Variants in ABCC4 observed in about 807,000 individuals in gnomAD.
ABCC4 encodes the protein ATP-binding cassette sub-family C member 4.
A neutral mutation model predicts 168.5 loss-of-function variants in ABCC4; 102 were observed. The ratio of observed to expected loss-of-function variants is 0.61; its 90% CI spans 0.52 to 0.71. The LOEUF (loss-of-function observed/expected upper bound fraction) is 0.71. Ranked by LOEUF, ABCC4 falls within the 30% of genes least tolerant of loss-of-function variation. The pLI is 0.00. For missense variants in ABCC4, 1,402 were observed against 1,605.8 expected, an observed-to-expected ratio of 0.87 and a Z score of 2.17; for synonymous variants, 617 against 590.7, an observed-to-expected ratio of 1.04 and a Z score of -0.65.
chr13:95,063,029 C>T (rs915394823), intron 25 of ABCC4, among the ~76,000 whole-genome samples, 170 bp from the exon 26 acceptor site: 3 of 152,170 alleles, frequency 2.0e-5, no homozygotes, highest in Admixed American at 6.6e-5. Context: ...GAGCTGGATA[C>T]TTCTTCATTT....
At chr13:95,181,175 C>G (rs572926749) in intron 11 of ABCC4, among the ~76,000 whole-genome samples, 1 of 152,294 alleles carries the variant, frequency 6.6e-6, no homozygotes, top group Admixed American at 6.5e-5. Flanking sequence ...AGAGAAAAAC[C>G]ATGACGTGGC....
intron 26 of ABCC4, among the ~76,000 whole-genome samples, chr13:95,058,594 A>AAAAAAAAAAAAAAAG (rs2033163283): frequency 3.6e-4 from 15 of 41,412 alleles, no homozygotes; most frequent in East Asian, 8.0e-4. Context: ...AAAAAAAAAG[A>AAAAAAAAAAAAAAAG]AAAGAAAAAG....
chr13:95,033,797 G>T (rs9590165), intron 30 of ABCC4, among the ~76,000 whole-genome samples: 14,087 of 151,928 alleles, frequency 0.093, 751 homozygotes, highest in East Asian at 0.27. Context: ...GAGTAGCTGG[G>T]GTTACAGGCA....
chr13:95,243,390 T>C (rs1370824668), intron 3 of ABCC4, among the ~76,000 whole-genome samples: 1 of 152,160 alleles, frequency 6.6e-6, no homozygotes, highest in Non-Finnish European at 1.5e-5. Context: ...CTTTGATAAG[T>C]AAAAACAGGG....
At chr13:95,153,491 C>T (rs758656880) in intron 19 of ABCC4, among the ~76,000 whole-genome samples, 2 of 152,122 alleles carry the variant, frequency 1.3e-5, no homozygotes, top group Admixed American at 6.5e-5. Flanking sequence ...GAGATACAGG[C>T]ATATACAAAT....
At chr13:95,245,334 A>G (rs1029614257) in intron 3 of ABCC4, among the ~76,000 whole-genome samples, 1 of 152,164 alleles carries the variant, frequency 6.6e-6, no homozygotes, top group African/African-American at 2.4e-5. Context: ...CTAACCAGAC[A>G]CCTGGCATGA....
rs1593979527 is a variant in ABCC4, at chr13:95,034,675, C to A, written c.3800G>T (p.Ser1267Ile). Residue 1267 changes from serine to isoleucine, a missense_variant, in exon 30 of 31, where the codon AGC becomes ATC. Physicochemically the swap from Ser to Ile is moderately radical, Grantham distance 142. Transcript: ENST00000645237. ...TTGTTGCACCATCTTGTAAAATAGG[C>A]TCTCTTTATTTTGCAGCAAAACATA... Reference protein sequence around the residue: ...EPYVLLQNKESLFYKMVQQLG... With the variant: ...EPYVLLQNKEILFYKMVQQLG... 6.2e-7 allele frequency: 1 copy of A among 1,614,228 alleles called. No individual in the cohort carries two copies. The highest frequency in any genetic ancestry group is 8.5e-7 in the Non-Finnish European group (1 of 1,180,048).
At chr13:95,185,036 C>A (rs2038014106) in intron 11 of ABCC4, among the ~76,000 whole-genome samples, 1 of 152,158 alleles carries the variant, frequency 6.6e-6, no homozygotes, top group African/African-American at 2.4e-5. Flanking sequence ...GACACCAGAG[C>A]AGGACAAGCT....
At position 95,083,250 on chromosome 13, in the gene ABCC4, G is replaced by C. The variant is rs75641954; in HGVS notation, c.2576C>G (p.Ala859Gly). ...GGGTATTGCGATCCAAGGAATCACG[G>C]CCACAGCCACAGAGACCACACCAAC... is the stretch of plus-strand genomic sequence containing the variant. ...QVVGVVSVAV[A>G]VIPWIAIPLV... The change falls in exon 21 of 31, where the codon GCC becomes GGC. Residue 859 changes from alanine to glycine, a missense_variant. Physicochemically the swap from Ala to Gly is moderately conservative, Grantham distance 60 (BLOSUM62 0). Coordinates refer to ENST00000645237, the MANE Select transcript of ABCC4 (RefSeq NM_005845.5). 1 of 1,613,780 alleles carries C rather than the reference G, an allele frequency of 6.2e-7. No homozygotes were observed. Among genetic ancestry groups the C allele is most frequent in the Non-Finnish European group, 8.5e-7 (1 of 1,179,936 alleles).
chr13:95,296,736 G>C (rs577271630), intron 1 of ABCC4, among the ~76,000 whole-genome samples: 6 of 152,126 alleles, frequency 3.9e-5, no homozygotes, highest in Middle Eastern at 3.2e-3. Context: ...AGTGCCTGCC[G>C]GGCACCAGGG....
chr13:95,116,355 C>T (rs1015681415), intron 19 of ABCC4, among the ~76,000 whole-genome samples: 5 of 152,122 alleles, frequency 3.3e-5, no homozygotes, highest in African/African-American at 9.7e-5. Context: ...GGTAGATGAA[C>T]GTACAGAAAT....
At chr13:95,290,103 A>AATAGATAGGTAG (rs1555342165) in intron 1 of ABCC4, among the ~76,000 whole-genome samples, 1 of 113,700 alleles carries the variant, frequency 8.8e-6, no homozygotes, top group Non-Finnish European at 2.1e-5. Flanking sequence ...TCTCAAAAAA[A>AATAGATAGGTAG]ATAGATAGAT....
intron 14 of ABCC4, among the ~76,000 whole-genome samples, chr13:95,169,099 C>G (rs191281459): frequency 2.0e-5 from 3 of 152,098 alleles, no homozygotes; most frequent in Non-Finnish European, 1.5e-5. Context: ...CAGCAAAACC[C>G]CAGAAAGTGG....
At chr13:95,026,175 G>T (rs2031535033) in intron 30 of ABCC4, among the ~76,000 whole-genome samples, 2 of 152,098 alleles carry the variant, frequency 1.3e-5, no homozygotes. Context: ...GGAGTTGGAG[G>T]GTGCAGTGAG....
intron 1 of ABCC4, among the ~76,000 whole-genome samples, chr13:95,249,762 G>T (rs544039785): frequency 6.6e-6 from 1 of 152,092 alleles, no homozygotes; most frequent in Non-Finnish European, 1.5e-5. Context: ...AAATTCACTG[G>T]TGTCTTTTTG....
intron 26 of ABCC4, among the ~76,000 whole-genome samples, chr13:95,056,073 T>A (rs888205130): frequency 3.3e-5 from 5 of 152,062 alleles, no homozygotes; most frequent in African/African-American, 1.2e-4. Context: ...AGAAACTCTA[T>A]CCACCAACCT....
intron 3 of ABCC4, among the ~76,000 whole-genome samples, chr13:95,236,821 C>G (rs2138766676): frequency 6.6e-6 from 1 of 152,256 alleles, no homozygotes; most frequent in Admixed American, 6.5e-5. Context: ...GGAAGAGCCC[C>G]CAGTACAATG....
At chr13:95,195,336 A>G (rs2139645184) in intron 8 of ABCC4, among the ~76,000 whole-genome samples, 1 of 152,308 alleles carries the variant, frequency 6.6e-6, no homozygotes, top group South Asian at 2.1e-4. Context: ...AATCCTCATC[A>G]TGTGCCAAGC....
intron 4 of ABCC4, among the ~76,000 whole-genome samples, chr13:95,214,325 C>T (rs1034701887): frequency 1.3e-5 from 2 of 151,752 alleles, no homozygotes; most frequent in African/African-American, 4.8e-5. Flanking sequence ...ATAAAATATT[C>T]ATGTAATTGG....
Sources: gnomAD v4.1 joint callset for allele counts (sites outside exome capture counted in the v4.1 genomes callset) on GRCh38, gnomAD v4.1.1 for gene constraint, MANE v1.5 for transcripts, NCBI Gene and HGNC (gene_info 2026-07-23, HGNC 2026-07-21) for gene names.